FRY: variants seen among roughly 807,000 people sequenced by gnomAD.
FRY encodes FRY microtubule binding protein.
A neutral mutation model predicts 348.4 loss-of-function variants in FRY; 128 were observed. The observed-to-expected ratio is 0.37, with a 90% CI of 0.32 to 0.43. The LOEUF is 0.43. FRY is among the 20% of genes least tolerant of loss of function. The pLI is 1.00. For missense variants in FRY, 2,736 were observed against 3,695.2 expected (o/e 0.74, Z 6.73); for synonymous variants, 1,370 against 1,374.7 (o/e 1.00, Z 0.08).
At chr13:32,172,387 A>T (rs184036832) in intron 18 of FRY, among the ~76,000 whole-genome samples, 1 of 152,326 alleles carries the variant, frequency 6.6e-6, no homozygotes, top group East Asian at 1.9e-4. Context: ...ATATAGGTAT[A>T]TAAAAGTCAG....
chr13:32,252,923 T>G (rs1343449719), intron 50 of FRY, among the ~76,000 whole-genome samples: 1 of 152,152 alleles, frequency 6.6e-6, no homozygotes, highest in African/African-American at 2.4e-5. Context: ...GAGGGGACAG[T>G]GGCAGAGGCA....
intron 14 of FRY, among the ~76,000 whole-genome samples, chr13:32,150,300 G>T (rs1477804326): frequency 6.6e-6 from 1 of 152,250 alleles, no homozygotes; most frequent in Non-Finnish European, 1.5e-5. Context: ...AGGGCAGGCA[G>T]ATTGTGGAGA....
Position 32,187,598 on chromosome 13 carries a change from C to T in FRY, c.3533C>T (p.Ser1178Phe). 6.2e-7 allele frequency: 1 copy of T among 1,612,622 alleles called. No homozygotes were observed. Among genetic ancestry groups the T allele is most frequent in the Non-Finnish European group, 8.5e-7 (1 of 1,178,688 alleles). ...CGPVFDNVGLSPDGYLYKWLD... is the reference protein window; with the variant it reads ...CGPVFDNVGLFPDGYLYKWLD... ...CCTGTCTTTGACAATGTGGGCCTTTCCCCAGATGGCTACCTATATAAATGG... is the reference window on the plus strand; with the variant it reads ...CCTGTCTTTGACAATGTGGGCCTTTTCCCAGATGGCTACCTATATAAATGG... The change falls in exon 28 of 61, where the codon TCC becomes TTC. Residue 1178 changes from serine (S) to phenylalanine (F), a missense_variant. Ser to Phe is a radical substitution (Grantham distance 155). Transcript: ENST00000542859.
intron 46 of FRY, among the ~76,000 whole-genome samples, chr13:32,242,252 C>T (rs958935670): frequency 1.3e-5 from 2 of 152,076 alleles, no homozygotes; most frequent in African/African-American, 4.8e-5. Context: ...TTCCTGAAGT[C>T]GAATTATTCA....
chr13:32,149,230 T>C (rs1593669183), intron 13 of FRY, among the ~76,000 whole-genome samples: 1 of 150,420 alleles, frequency 6.6e-6, no homozygotes, highest in Non-Finnish European at 1.5e-5. Context: ...TATATATATA[T>C]ACACCCCTGA....
chr13:32,219,215 A>C (rs1470079734), intron 36 of FRY, among the ~76,000 whole-genome samples: 2 of 149,694 alleles, frequency 1.3e-5, no homozygotes, highest in Non-Finnish European at 3.0e-5. Context: ...CAGCCTCGTG[A>C]GTAGCTGGGA....
At chr13:32,145,503 A>G (rs1370911111) in intron 11 of FRY, among the ~76,000 whole-genome samples, 18 of 148,170 alleles carry the variant, frequency 1.2e-4, no homozygotes, top group African/African-American at 4.6e-4. Flanking sequence ...GATGAAACCC[A>G]CACTCCCCTC....
At chr13:32,043,910 C>A (rs1872878153) in intron 1 of FRY, among the ~76,000 whole-genome samples, 1 of 151,824 alleles carries the variant, frequency 6.6e-6, no homozygotes, top group Admixed American at 6.6e-5. Flanking sequence ...AAGATTATAC[C>A]CAGGCCAGGC....
chr13:32,150,333 C>T (rs868554373), intron 14 of FRY, among the ~76,000 whole-genome samples: 7 of 152,210 alleles, frequency 4.6e-5, no homozygotes, highest in African/African-American at 1.4e-4. Context: ...GGGCATCATA[C>T]ACAACATGGA....
rs1887706775 is a variant in FRY, at chr13:32,262,494, T to C, written c.7779+19T>C. ...TTCAAAGGTGAAGAGATTTTAACAA[T>C]GATGATTTGTACTTCCCTTAAAACC... is the stretch of plus-strand genomic sequence containing the variant. On this transcript the variant is annotated intron_variant, in intron 53 of 60. Coordinates refer to ENST00000542859, the MANE Select transcript of FRY (RefSeq NM_023037.3). 1.9e-6 allele frequency: 3 copies of C among 1,597,786 alleles called. No homozygotes were observed. In the African/African-American group the frequency reaches 4.0e-5, roughly 21 times the overall value.
rs755013952 is a variant in FRY, at chr13:32,175,655, T to C, written c.2421+23T>C. On this transcript the variant is annotated intron_variant, in intron 20 of 60. Coordinates refer to ENST00000542859, the MANE Select transcript of FRY (RefSeq NM_023037.3). ...TCAGTAAGTACACATTTGATTCCAA[T>C]TAATGGCTCTTAAAAGCTCTGGACC... is the stretch of plus-strand genomic sequence containing the variant. 3.9e-6 allele frequency: 5 copies of C among 1,268,262 alleles called. No individual in the cohort carries two copies. The South Asian group carries it at 4.8e-5, about 12-fold the overall frequency. 78.6% of individuals were successfully genotyped at this position (1,268,262 alleles called of 1,614,324 possible). A position where few individuals can be genotyped will look rare whatever the true frequency, so the allele number is the denominator to read the frequency against.
chr13:32,270,239 C>T (rs1213303663), intron 55 of FRY, among the ~76,000 whole-genome samples: 1 of 147,948 alleles, frequency 6.8e-6, no homozygotes, highest in Non-Finnish European at 1.5e-5. Context: ...TGGAGTTTCA[C>T]TCTTGTTGCC....
At chr13:32,229,108 A>G (rs1298164085) in intron 40 of FRY, among the ~76,000 whole-genome samples, 4 of 152,216 alleles carry the variant, frequency 2.6e-5, no homozygotes, top group African/African-American at 9.7e-5. Context: ...TGGTCCAAAG[A>G]GTCATTTGTA....
At chr13:32,245,180 C>T (rs545068465) in intron 47 of FRY, among the ~76,000 whole-genome samples, 4 of 152,066 alleles carry the variant, frequency 2.6e-5, no homozygotes, top group South Asian at 2.1e-4. Context: ...GAACTCCTGA[C>T]CTCGTGATCC....
At chr13:32,112,123 G>T (rs1241912971) in intron 3 of FRY, among the ~76,000 whole-genome samples, 2 of 152,186 alleles carry the variant, frequency 1.3e-5, no homozygotes, top group Non-Finnish European at 2.9e-5. Context: ...GGCTTTTCAG[G>T]TTCCCACAAT....
Position 32,087,618 on chromosome 13 carries a change from G to A in FRY, c.270+8585G>A, listed in dbSNP as rs183260216. Among the ~76,000 whole-genome samples, 9 of 152,266 alleles carry A rather than the reference G, an allele frequency of 5.9e-5. No individual in the cohort carries two copies. The Middle Eastern group carries it at 0.01, about 173-fold the overall frequency. ...GATTTTAGACCATATCTGATGAGAAGTAAGAGACTGAATTTAGGATACACC... is the reference window on the plus strand; with the variant it reads ...GATTTTAGACCATATCTGATGAGAAATAAGAGACTGAATTTAGGATACACC... On this transcript the variant is annotated intron_variant, in intron 2 of 60. Coordinates refer to ENST00000542859, the MANE Select transcript of FRY (RefSeq NM_023037.3).
At chr13:32,238,301 T>A (rs201391187) in intron 44 of FRY, among the ~76,000 whole-genome samples, 14 of 16,508 alleles carry the variant, frequency 8.5e-4, no homozygotes, top group East Asian at 6.6e-3. Flanking sequence ...AAAAAAAAAA[T>A]TTTTTTTTCT....
chr13:32,082,104 T>G (rs1287260046), intron 2 of FRY, among the ~76,000 whole-genome samples: 1 of 152,132 alleles, frequency 6.6e-6, no homozygotes, highest in Non-Finnish European at 1.5e-5. Flanking sequence ...AGTTTTATTT[T>G]TAAAAGACTA....
At chr13:32,103,906 TGAGCC>T (rs1877354083) in intron 3 of FRY, among the ~76,000 whole-genome samples, 1 of 151,906 alleles carries the variant, frequency 6.6e-6, no homozygotes, top group South Asian at 2.1e-4. Flanking sequence ...AGGTTGCAAT[TGAGCC>T]GAGTTCACGC....
Sources: allele counts gnomAD v4.1 joint callset (sites outside exome capture counted in the v4.1 genomes callset), GRCh38; gene constraint gnomAD v4.1.1; transcripts MANE v1.5; gene names NCBI Gene and HGNC (gene_info 2026-07-23, HGNC 2026-07-21).